The following PHF20L1 variants were observed in gnomAD, a reference collection of about 807,000 sequenced individuals.
The protein encoded by PHF20L1 is PHD finger protein 20 like 1.
In PHF20L1, 44 loss-of-function variants were observed where a neutral mutation model predicts 125.5. The ratio of observed to expected loss-of-function variants is 0.35; its 90% confidence interval spans 0.28 to 0.45. The LOEUF is 0.45. Ranked by LOEUF, PHF20L1 falls within the 20% of genes least tolerant of loss-of-function variation. The pLI, the probability that PHF20L1 is intolerant of heterozygous loss-of-function variation, is 1.00. For synonymous variants in PHF20L1, 380 were observed against 403.1 expected (o/e 0.94, Z 0.69); for missense variants, 1,012 against 1,217.2 (o/e 0.83, Z 2.51).
At chr8:132,833,613 T>C (rs1837020116) in intron 15 of PHF20L1, among the ~76,000 whole-genome samples, 1 of 151,860 alleles carries the variant, frequency 6.6e-6, no homozygotes, top group Non-Finnish European at 1.5e-5. Context: ...GAAGCAGAGG[T>C]TGATAATCAC....
chr8:132,836,811 T>TA (rs1837406564), intron 16 of PHF20L1, 90 bp downstream of exon 16: 1 of 904,652 alleles, frequency 1.1e-6, no homozygotes, highest in Non-Finnish European at 1.8e-6. Flanking sequence ...TTACTGACTG[T>TA]ACTACTGAAG....
chr8:132,809,056 C>A (rs1834061943), intron 8 of PHF20L1: 1 of 151,882 alleles, frequency 6.6e-6, no homozygotes, highest in African/African-American at 2.4e-5. Flanking sequence ...CATTGTCTTA[C>A]ACTCGGCCTT....
At chr8:132,819,592 C>G (rs1383576065) in intron 12 of PHF20L1, among the ~76,000 whole-genome samples, 1 of 151,598 alleles carries the variant, frequency 6.6e-6, no homozygotes, top group African/African-American at 2.4e-5. Context: ...TTCACCCTCT[C>G]TTGACTATTT....
chr8:132,843,282 T>C (rs77669286), intron 19 of PHF20L1: 3 of 984,964 alleles, frequency 3.0e-6, no homozygotes, highest in Non-Finnish European at 3.6e-6. Flanking sequence ...TTTAAAAAAT[T>C]TTAGCATGTT....
At chr8:132,826,755 C>G (rs1836228800) in intron 14 of PHF20L1, 1 of 151,840 alleles carries the variant, frequency 6.6e-6, no homozygotes, top group Non-Finnish European at 1.5e-5. Context: ...GAAAATGGTG[C>G]AAAGGGACCT....
chr8:132,828,169 C>G lies in PHF20L1; in HGVS notation c.1744+2798C>G, dbSNP rs115455198. On this transcript the variant is annotated intron_variant, in intron 14 of 20. Coordinates refer to ENST00000395386, the MANE Select transcript of PHF20L1 (RefSeq NM_016018.5). The stretch of plus-strand genomic sequence containing the variant: ...TACAGTTAGCACCATGAGGGAGTTT[C>G]AAAATTCTTTCTTTTATTTACCACT... 3.2e-3 allele frequency among the ~76,000 whole-genome samples: 486 copies of G among 152,052 alleles called. 5 individuals carry two copies. Among genetic ancestry groups the G allele is most frequent in the African/African-American group, 0.011 (473 of 41,510 alleles).
chr8:132,843,135 C>T (rs895517361), intron 19 of PHF20L1: 8 of 1,122,830 alleles, frequency 7.1e-6, no homozygotes, highest in African/African-American at 1.6e-5. Context: ...AAGTACATTT[C>T]GATGCTTCTA....
chr8:132,839,363 AT>A (rs1295569664), intron 17 of PHF20L1, 23 bp from the exon 18 acceptor site: 2 of 1,584,190 alleles, frequency 1.3e-6, no homozygotes, highest in African/African-American at 1.3e-5. Context: ...GTCCTCTGTG[AT>A]TTAATATCAA....
At chr8:132,790,311 C>T (rs981067461) in intron 2 of PHF20L1, among the ~76,000 whole-genome samples, 1 of 152,196 alleles carries the variant, frequency 6.6e-6, no homozygotes, top group Admixed American at 6.5e-5. Context: ...TATGAGCCAT[C>T]TGCTAGAAAT....
intron 16 of PHF20L1, among the ~76,000 whole-genome samples, chr8:132,837,020 C>T (rs1353605803): frequency 6.6e-6 from 1 of 152,124 alleles, no homozygotes; most frequent in African/African-American, 2.4e-5. Context: ...CTACAGCAAC[C>T]TTTCTCTTCC....
chr8:132,817,732 A>G (rs555299891), intron 12 of PHF20L1, 187 bp downstream of exon 12: 15 of 560,400 alleles, frequency 2.7e-5, no homozygotes, highest in African/African-American at 9.5e-5. Flanking sequence ...TCATTTTACA[A>G]TCATATTCCC....
At chr8:132,817,698 C>A in intron 12 of PHF20L1, 153 bp downstream of exon 12, 1 of 607,696 alleles carries the variant, frequency 1.6e-6, no homozygotes, top group Non-Finnish European at 2.9e-6. Context: ...AGTTTCATCT[C>A]CGTTTTAAAG....
Position 132,844,297 on chromosome 8 carries a change from C to T in PHF20L1, c.2890C>T (p.Leu964=), listed in dbSNP as rs934109435. The T allele has an allele frequency of 5.0e-6, 8 of 1,606,848 alleles. No homozygotes were observed. Among genetic ancestry groups the T allele is most frequent in the Non-Finnish European group, 5.9e-6 (7 of 1,176,610 alleles). The stretch of plus-strand genomic sequence containing the variant: ...GAACGAAGTTACCAGCAGGATGGAC[C>T]TAATAGAAAAAGAAGTCGATGGTAA... ...VQNEVTSRMD[L]IEKEVDVLES... is the part of the protein sequence containing the mutation. The change falls in exon 20 of 21, where the codon CTA becomes TTA. Residue 964 remains leucine (L), a synonymous_variant. Transcript: ENST00000395386.
At position 132,831,221 on chromosome 8, in the gene PHF20L1, T is replaced by A. The variant is rs567755185; in HGVS notation, c.1745-1014T>A. 7.9e-5 allele frequency among the ~76,000 whole-genome samples: 12 copies of A among 152,016 alleles called. No homozygotes were observed. The South Asian group carries it at 1.9e-3, about 24-fold the overall frequency. On this transcript the variant is annotated intron_variant, in intron 14 of 20. Coordinates refer to ENST00000395386, the MANE Select transcript of PHF20L1 (RefSeq NM_016018.5). ...TTTTATTGCATTAGGGTAAAACTTT[T>A]TAAAAAAAGCTAATCTGGCTCCTGT...
chr8:132,801,570 G>A (rs1171870116), intron 6 of PHF20L1, among the ~76,000 whole-genome samples: 3 of 151,666 alleles, frequency 2.0e-5, no homozygotes, highest in Non-Finnish European at 4.4e-5. Flanking sequence ...TAACAATGAA[G>A]CTTTTCTATA....
chr8:132,779,888 T>G (rs1312061623), intron 2 of PHF20L1, among the ~76,000 whole-genome samples: 1 of 152,220 alleles, frequency 6.6e-6, no homozygotes, highest in Non-Finnish European at 1.5e-5. Flanking sequence ...TGTGCTTATT[T>G]GAGCGGTGTC....
intron 8 of PHF20L1, among the ~76,000 whole-genome samples, chr8:132,805,550 T>A (rs1398201197): frequency 6.6e-6 from 1 of 152,026 alleles, no homozygotes; most frequent in Non-Finnish European, 1.5e-5. Flanking sequence ...TAGTCATATG[T>A]TCTTATTAAA....
Position 132,775,406 on chromosome 8 carries a change from A to AGGCGGCGGC in PHF20L1, c.-266_-258dup, listed in dbSNP as rs3832583. On this transcript the variant is annotated 5_prime_UTR_variant, in exon 1 of 21. Coordinates refer to ENST00000395386, the MANE Select transcript of PHF20L1 (RefSeq NM_016018.5). ...TCGCGTCAGGGCTGGCCGGCGGCGG[A>AGGCGGCGGC]GGCGGCGGCGGCGGCGGCGATGGCA... The AGGCGGCGGC allele has an allele frequency of 2.1e-4, 82 of 382,644 alleles. No homozygotes were observed. Among genetic ancestry groups the AGGCGGCGGC allele is most frequent in the Non-Finnish European group, 1.7e-4 (38 of 218,446 alleles). The allele number at this position is 382,644 out of a possible 1,614,324, so 23.7% of individuals were successfully genotyped here. A position where few individuals can be genotyped will look rare whatever the true frequency, so the allele number is the denominator to read the frequency against.
At chr8:132,802,356 C>G (rs1833170949) in intron 6 of PHF20L1, among the ~76,000 whole-genome samples, 1 of 151,596 alleles carries the variant, frequency 6.6e-6, no homozygotes, top group Non-Finnish European at 1.5e-5. Flanking sequence ...CTACCCCTTT[C>G]CCTAGCAAAT....
Sources: allele counts gnomAD v4.1 joint callset (sites outside exome capture counted in the v4.1 genomes callset), GRCh38; gene constraint gnomAD v4.1.1; transcripts MANE v1.5; gene names NCBI Gene and HGNC (gene_info 2026-07-23, HGNC 2026-07-21).